The following ACAD11 variants were observed in gnomAD, a reference collection of about 807,000 sequenced individuals.
ACAD11 encodes acyl-Coenzyme A dehydrogenase family, member 11.
Under a neutral mutation model 102.2 loss-of-function variants are expected in ACAD11, and 83 were observed. The observed-to-expected ratio is 0.81, with a 90% CI of 0.68 to 0.97. The LOEUF is 0.97. Ranked by LOEUF, ACAD11 falls within the 50% of genes least tolerant of loss-of-function variation. The probability of loss-of-function intolerance (pLI) is 0.00; values close to 1 mark genes in which losing one functional copy is unlikely to be tolerated. For synonymous variants in ACAD11, 324 were observed against 319.8 expected, an observed-to-expected ratio of 1.01 and a Z score of -0.14; for missense variants, 901 against 951.7, an observed-to-expected ratio of 0.95 and a Z score of 0.70.
intron 5 of ACAD11, among the ~76,000 whole-genome samples, chr3:132,638,711 G>A (rs935441989): frequency 6.6e-6 from 1 of 152,158 alleles, no homozygotes; most frequent in Non-Finnish European, 1.5e-5. Flanking sequence ...ATCCTGCTAT[G>A]TTTTCAGGCA....
intron 17 of ACAD11, among the ~76,000 whole-genome samples, chr3:132,563,931 T>G (rs376374760): frequency 9.8e-4 from 150 of 152,316 alleles, no homozygotes; most frequent in African/African-American, 3.5e-3. Context: ...CTCTATAAAG[T>G]TGAGTAAATT....
At chr3:132,625,445 TA>T (rs1939775167) in intron 9 of ACAD11, among the ~76,000 whole-genome samples, 1 of 152,174 alleles carries the variant, frequency 6.6e-6, no homozygotes, top group African/African-American at 2.4e-5. Context: ...TATCTTAACC[TA>T]AAAGTGTTGC....
intron 7 of ACAD11, among the ~76,000 whole-genome samples, chr3:132,629,988 A>C (rs1939973278): frequency 6.6e-6 from 1 of 152,050 alleles, no homozygotes; most frequent in Admixed American, 6.6e-5. Flanking sequence ...TTACTCAAAA[A>C]CATTTTAAGA....
intron 17 of ACAD11, among the ~76,000 whole-genome samples, chr3:132,562,384 T>C (rs973903050): frequency 8.5e-5 from 13 of 152,252 alleles, no homozygotes; most frequent in African/African-American, 2.9e-4. Flanking sequence ...ATTACAGGCG[T>C]GAGCCATCGC....
At chr3:132,574,057 G>C (rs1329184887) in intron 17 of ACAD11, among the ~76,000 whole-genome samples, 2 of 152,186 alleles carry the variant, frequency 1.3e-5, no homozygotes, top group African/African-American at 2.4e-5. Context: ...AAAAAGCCAG[G>C]CTTGCTCTGC....
At position 132,633,928 on chromosome 3, in the gene ACAD11, A is replaced by C. The variant is rs560303880; in HGVS notation, c.703-2449T>G. Among the ~76,000 whole-genome samples the C allele has an allele frequency of 6.3e-4, 96 of 152,196 alleles. 2 individuals carry two copies. The South Asian group carries it at 0.019, about 31-fold the overall frequency. On this transcript the variant is annotated intron_variant, in intron 5 of 19. Transcript: ENST00000264990. ...AATTCAAGATGGATTAAAGACTTAC[A>C]TGTTAGACCTAAAACCATAAAAACC...
intron 13 of ACAD11, among the ~76,000 whole-genome samples, chr3:132,584,130 C>T (rs1384468361): frequency 2.0e-5 from 3 of 152,016 alleles, no homozygotes; most frequent in Non-Finnish European, 2.9e-5. Flanking sequence ...CTTTCTGTCC[C>T]GTTGATCTGT....
At position 132,578,806 on chromosome 3, in the gene ACAD11, A is replaced by G; in HGVS notation, c.1764T>C (p.Phe588=). 6.2e-7 allele frequency: 1 copy of G among 1,611,920 alleles called. No individual in the cohort carries two copies. Among genetic ancestry groups the G allele is most frequent in the Non-Finnish European group, 8.5e-7 (1 of 1,178,888 alleles). Residue 588 remains phenylalanine (F), a synonymous_variant, in exon 15 of 20, where the codon TTT becomes TTC. Transcript: ENST00000264990. ...TTATTGGATACCTACCTGTGTAGCC[A>G]AAAACTGACAAAGGCCTTATTATTT... ...GVKIIRPLSV[F]GYTDNFHGGH...
At chr3:132,607,784 G>A (rs564334306) in intron 11 of ACAD11, among the ~76,000 whole-genome samples, 13 of 152,116 alleles carry the variant, frequency 8.5e-5, no homozygotes, top group Non-Finnish European at 1.8e-4. Flanking sequence ...ACACCACAAA[G>A]ATACTCCTCA....
intron 4 of ACAD11, 86 bp from the exon 5 acceptor site, chr3:132,639,742 G>T: frequency 7.9e-7 from 1 of 1,268,260 alleles, no homozygotes; most frequent in Non-Finnish European, 1.1e-6. Context: ...AAATTCAAAT[G>T]CTGTTTTACT....
At chr3:132,617,114 G>C (rs1465821272) in intron 11 of ACAD11, among the ~76,000 whole-genome samples, 2 of 152,140 alleles carry the variant, frequency 1.3e-5, no homozygotes, top group Non-Finnish European at 2.9e-5. Flanking sequence ...GGCCTATCTT[G>C]TGCAGGGATG....
chr3:132,599,924 T>TG (rs1938493281), intron 13 of ACAD11, among the ~76,000 whole-genome samples: 1 of 152,186 alleles, frequency 6.6e-6, no homozygotes, highest in Non-Finnish European at 1.5e-5. Flanking sequence ...ATAAATTTAA[T>TG]TTAAATAAAC....
rs547130214 is a variant in ACAD11, at chr3:132,610,265, G to C, written c.1415-5060C>G. 2.0e-5 allele frequency among the ~76,000 whole-genome samples: 3 copies of C among 152,196 alleles called. No individual in the cohort carries two copies. In the South Asian group the frequency reaches 6.2e-4, roughly 32 times the overall value. The stretch of plus-strand genomic sequence containing the variant: ...AATTTATAGCACTAAATGCCCACAA[G>C]AGAAAGCAGGAAAGATCTAAAATTG... On this transcript the variant is annotated intron_variant, in intron 11 of 19. Transcript: ENST00000264990.
intron 11 of ACAD11, among the ~76,000 whole-genome samples, chr3:132,613,675 G>A (rs1939269062): frequency 6.6e-6 from 1 of 152,038 alleles, no homozygotes. Flanking sequence ...AAGGTGGATG[G>A]ATCACCTGAG....
chr3:132,594,638 C>G (rs530870963), intron 13 of ACAD11, among the ~76,000 whole-genome samples: 1 of 152,238 alleles, frequency 6.6e-6, no homozygotes, highest in Admixed American at 6.5e-5. Flanking sequence ...TATATCTGAT[C>G]TAATCTGAAA....
At chr3:132,559,776 G>T in intron 19 of ACAD11, 57 bp downstream of exon 19, 4 of 1,416,416 alleles carry the variant, frequency 2.8e-6, no homozygotes, top group Non-Finnish European at 3.9e-6. Context: ...GGCATCTGTA[G>T]ATTTTTTACC....
chr3:132,601,088 C>A (rs1376051852), intron 13 of ACAD11: 1 of 1,613,830 alleles, frequency 6.2e-7, no homozygotes, highest in East Asian at 2.2e-5. Flanking sequence ...CATGAAGATG[C>A]CAAACATTAA....
chr3:132,620,361 G>A (rs953757507), intron 9 of ACAD11: 5 of 152,162 alleles, frequency 3.3e-5, no homozygotes, highest in African/African-American at 1.2e-4. Context: ...TGTTTCTGGT[G>A]ACAGTGCCTG....
intron 12 of ACAD11, 144 bp downstream of exon 12, chr3:132,604,954 C>G: frequency 1.9e-6 from 1 of 523,620 alleles, no homozygotes; most frequent in Admixed American, 3.4e-5. Flanking sequence ...AATTTAATAA[C>G]AGGCTCAAAA....
Sources: gnomAD v4.1 joint callset for allele counts (sites outside exome capture counted in the v4.1 genomes callset) on GRCh38, gnomAD v4.1.1 for gene constraint, MANE v1.5 for transcripts, NCBI Gene and HGNC (gene_info 2026-07-23, HGNC 2026-07-21) for gene names.